Variants in CHPF2 observed in about 807,000 individuals in gnomAD.
CHPF2 encodes chondroitin polymerizing factor 2, non-catalytic subunit.
A neutral mutation model predicts 63.0 loss-of-function variants in CHPF2; 58 were observed. The ratio of observed to expected loss-of-function variants is 0.92; its 90% CI spans 0.75 to 1.15. The LOEUF (loss-of-function observed/expected upper bound fraction) is 1.15. Ranked by LOEUF, CHPF2 falls within the 50% of genes most tolerant of loss-of-function variation. The probability of loss-of-function intolerance (pLI) is 0.00; values close to 1 mark genes in which losing one functional copy is unlikely to be tolerated. For missense variants in CHPF2, 1,045 were observed against 1,035.4 expected, an observed-to-expected ratio of 1.01 and a Z score of -0.13; for synonymous variants, 442 against 438.0, an observed-to-expected ratio of 1.01 and a Z score of -0.11.
intron 3 of CHPF2, chr7:151,236,866 G>A (rs1292750574): frequency 6.9e-6 from 4 of 583,072 alleles, no homozygotes; most frequent in Admixed American, 2.2e-5. Flanking sequence ...AGGAAGCTCC[G>A]CACAGTGTTC....
chr7:151,235,135 C>T lies in CHPF2; in HGVS notation c.351C>T (p.Ala117=), dbSNP rs865805571. The part of the protein sequence containing the change: ...LTSRATLSTL[A]VAVNRTVAHH... ...CCCGAGCTACACTGTCCACTTTGGC[C>T]GTGGCTGTGAACCGTACGGTGGCCC... The change falls in exon 2 of 4, where the codon GCC becomes GCT. Residue 117 remains alanine (A), a synonymous_variant. Coordinates refer to ENST00000035307, the MANE Select transcript of CHPF2 (RefSeq NM_019015.3). 5.0e-6 allele frequency: 8 copies of T among 1,611,672 alleles called. No individual in the cohort carries two copies. Among genetic ancestry groups the T allele is most frequent in the African/African-American group, 4.0e-5 (3 of 74,886 alleles).
intron 3 of CHPF2, chr7:151,236,851 G>A: frequency 1.7e-6 from 1 of 592,068 alleles, no homozygotes; most frequent in Non-Finnish European, 3.2e-6. Context: ...TAGACTCTGA[G>A]GATCAGGAAG....
chr7:151,236,183 C>T (rs1407455034), intron 2 of CHPF2, among the ~76,000 whole-genome samples: 2 of 152,228 alleles, frequency 1.3e-5, no homozygotes, highest in African/African-American at 4.8e-5. Flanking sequence ...GTAAGCAATG[C>T]ACTGAGAGTA....
In CHPF2 at chr7:151,233,120, T is replaced by G; in HGVS notation, c.-892T>G. The stretch of plus-strand genomic sequence containing the variant: ...GCTGCTTGTGCTCTCTCTTTGCTTT[T>G]GGTTTGCTTCATTTGGCCCCTGGGG... On this transcript the variant is annotated 5_prime_UTR_variant, in exon 1 of 4. Coordinates refer to ENST00000035307, the MANE Select transcript of CHPF2 (RefSeq NM_019015.3). 1 of 1,154,420 alleles carries G rather than the reference T, an allele frequency of 8.7e-7. No individual in the cohort carries two copies. The highest frequency in any genetic ancestry group is 1.1e-6 in the Non-Finnish European group (1 of 937,728). 71.5% of individuals were successfully genotyped at this position (1,154,420 alleles called of 1,614,324 possible).
Position 151,233,467 on chromosome 7 carries a change from C to T in CHPF2, c.-545C>T. 2 of 985,786 alleles carry T rather than the reference C, an allele frequency of 2.0e-6. No homozygotes were observed. Among genetic ancestry groups the T allele is most frequent in the Non-Finnish European group, 2.4e-6 (2 of 830,174 alleles). 61.1% of individuals were successfully genotyped at this position (985,786 alleles called of 1,614,324 possible). A position where few individuals can be genotyped will look rare whatever the true frequency, so the allele number is the denominator to read the frequency against. The stretch of plus-strand genomic sequence containing the variant: ...GTGCCCACCGGGCCTGCCGCAGTGG[C>T]TCAGCAGCCCCTTCAGTAGCCCGCC... On this transcript the variant is annotated 5_prime_UTR_variant, in exon 1 of 4. Coordinates refer to ENST00000035307, the MANE Select transcript of CHPF2 (RefSeq NM_019015.3).
rs1315278768 is a variant in CHPF2 at position 151,238,669 on chromosome 7, C to T, written c.2307C>T (p.Ala769=). 6.2e-7 allele frequency: 1 copy of T among 1,610,142 alleles called. No homozygotes were observed. Among genetic ancestry groups the T allele is most frequent in the Non-Finnish European group, 8.5e-7 (1 of 1,178,528 alleles). The change falls in exon 4 of 4, where the codon GCC becomes GCT. Residue 769 remains alanine (A), a synonymous_variant. Coordinates refer to ENST00000035307, the MANE Select transcript of CHPF2 (RefSeq NM_019015.3). ...LAMALFEQEQ[A]NST ...TGGCTCTCTTTGAGCAGGAGCAGGCCAATAGCACTTAGCCCGCCTGGGGGC... is the reference window on the plus strand; with the variant it reads ...TGGCTCTCTTTGAGCAGGAGCAGGCTAATAGCACTTAGCCCGCCTGGGGGC...
intron 3 of CHPF2, chr7:151,236,908 T>C: frequency 1.8e-6 from 1 of 543,896 alleles, no homozygotes; most frequent in Non-Finnish European, 3.5e-6. Context: ...TCCTCAATAG[T>C]GCCTGTCCAC....
Position 151,235,153 on chromosome 7 carries a change from G to A in CHPF2, c.369G>A (p.Thr123=), listed in dbSNP as rs774673704. Residue 123 remains threonine, a synonymous_variant, in exon 2 of 4, where the codon ACG becomes ACA. Transcript: ENST00000035307. The part of the protein sequence containing the change: ...LSTLAVAVNR[T]VAHHFPRLLY... ...CTTTGGCCGTGGCTGTGAACCGTACGGTGGCCCATCACTTCCCTCGGTTAC... is the reference window on the plus strand; with the variant it reads ...CTTTGGCCGTGGCTGTGAACCGTACAGTGGCCCATCACTTCCCTCGGTTAC... 9 of 1,613,174 alleles carry A rather than the reference G, an allele frequency of 5.6e-6. No individual in the cohort carries two copies. The highest frequency in any genetic ancestry group is 5.3e-5 in the African/African-American group (4 of 74,920).
At position 151,237,550 on chromosome 7, in the gene CHPF2, G is replaced by A; in HGVS notation, c.1188G>A (p.Gln396=). 6.2e-7 allele frequency: 1 copy of A among 1,613,936 alleles called. No individual in the cohort carries two copies. Among genetic ancestry groups the A allele is most frequent in the Non-Finnish European group, 8.5e-7 (1 of 1,180,018 alleles). ...CADGAPKCPL[Q]GASRADVGDA... is the part of the protein sequence containing the mutation. ...ATGGGGCTCCCAAGTGCCCACTACA[G>A]GGGGCTAGCAGGGCGGACGTGGGTG... The change falls in exon 4 of 4, where the codon CAG becomes CAA. Residue 396 remains glutamine, a synonymous_variant. Coordinates refer to ENST00000035307, the MANE Select transcript of CHPF2 (RefSeq NM_019015.3).
Position 151,234,220 on chromosome 7 carries a change from C to T in CHPF2, c.209C>T (p.Pro70Leu). 1 of 1,611,676 alleles carries T rather than the reference C, an allele frequency of 6.2e-7. No homozygotes were observed. The highest frequency in any genetic ancestry group is 8.5e-7 in the Non-Finnish European group (1 of 1,178,794). The change falls in exon 1 of 4, where the codon CCC becomes CTC. Residue 70 changes from proline (P) to leucine (L), a missense_variant. Coordinates refer to ENST00000035307, the MANE Select transcript of CHPF2 (RefSeq NM_019015.3). ...GACCAAAGTGATGAAGACTTCAAACCCCGGATTGTCCCCTACTACAGGGAC... is the reference window on the plus strand; with the variant it reads ...GACCAAAGTGATGAAGACTTCAAACTCCGGATTGTCCCCTACTACAGGGAC... ...RLDQSDEDFK[P>L]RIVPYYRDPN...
chr7:151,233,354 C>T lies in CHPF2; in HGVS notation c.-658C>T, dbSNP rs1802528895. The T allele has an allele frequency of 2.0e-6, 2 of 985,926 alleles. No homozygotes were observed. The highest frequency in any genetic ancestry group is 1.7e-5 in the African/African-American group (1 of 57,270). 61.1% of individuals were successfully genotyped at this position (985,926 alleles called of 1,614,324 possible). A position where few individuals can be genotyped will look rare whatever the true frequency, so the allele number is the denominator to read the frequency against. ...GTGCCATGCGAGTGGCTCCAGACCG[C>T]TCCTGAGTGGGAGGAGGGGTTCCTG... On this transcript the variant is annotated 5_prime_UTR_variant, in exon 1 of 4. Coordinates refer to ENST00000035307, the MANE Select transcript of CHPF2 (RefSeq NM_019015.3).
intron 3 of CHPF2, chr7:151,236,944 C>G (rs1802674980): frequency 1.9e-6 from 1 of 524,408 alleles, no homozygotes; most frequent in South Asian, 1.5e-5. Context: ...TCTGAAGTTT[C>G]TTTACTTCTA....
At position 151,236,547 on chromosome 7, in the gene CHPF2, C is replaced by A; in HGVS notation, c.968C>A (p.Ala323Asp). ...LMYRLHKRFS[A>D]LELERAYSEI... The stretch of plus-strand genomic sequence containing the variant: ...TACCGGCTCCACAAACGCTTCAGCG[C>A]TCTGGAGTTGGAGCGGGCTTACAGT... The change falls in exon 3 of 4, where the codon GCT becomes GAT. Residue 323 changes from alanine (A) to aspartate (D), a missense_variant. Transcript: ENST00000035307. The A allele has an allele frequency of 6.2e-7, 1 of 1,603,818 alleles. No homozygotes were observed. Among genetic ancestry groups the A allele is most frequent in the Non-Finnish European group, 8.5e-7 (1 of 1,172,304 alleles).
At position 151,238,222 on chromosome 7, in the gene CHPF2, A is replaced by G; in HGVS notation, c.1860A>G (p.Pro620=). The G allele has an allele frequency of 1.2e-6, 2 of 1,612,814 alleles. No individual in the cohort carries two copies. The highest frequency in any genetic ancestry group is 1.7e-6 in the Non-Finnish European group (2 of 1,179,932). The change falls in exon 4 of 4, where the codon CCA becomes CCG. Residue 620 remains proline (P), a synonymous_variant. Coordinates refer to ENST00000035307, the MANE Select transcript of CHPF2 (RefSeq NM_019015.3). ...NAISGWQAFF[P]VHFQEFNPAL... Reference sequence around the variant, plus strand: ...TCTCTGGCTGGCAGGCCTTCTTTCCAGTCCATTTCCAGGAGTTCAATCCTG... The same window carrying G: ...TCTCTGGCTGGCAGGCCTTCTTTCCGGTCCATTTCCAGGAGTTCAATCCTG...
chr7:151,234,573 T>C (rs2792436), intron 1 of CHPF2, among the ~76,000 whole-genome samples: 61,826 of 151,742 alleles, frequency 0.41, 12,944 homozygotes, highest in East Asian at 0.71. Context: ...CTCACTGCAA[T>C]CTCTGCCTCC....
At position 151,237,644 on chromosome 7, in the gene CHPF2, C is replaced by T. The variant is rs368284983; in HGVS notation, c.1282C>T (p.Arg428Ter). 4.8e-5 allele frequency: 78 copies of T among 1,613,252 alleles called. No homozygotes were observed. Among genetic ancestry groups the T allele is most frequent in the Non-Finnish European group, 5.3e-5 (63 of 1,179,948 alleles). Residue 428 changes from arginine (R) to a stop codon, truncating the protein, a stop_gained, in exon 4 of 4, where the codon CGA becomes TGA. Transcript: ENST00000035307. LOFTEE classifies it high-confidence loss of function. ...YQPRLRFQKQ[R>*]LLNGYRRFDP... ...GCCCCGCCTGCGCTTCCAGAAGCAG[C>T]GACTGCTCAACGGCTATCGGCGCTT...
rs562135561 is a variant in CHPF2, at chr7:151,232,575, C to G, written c.-1437C>G. On this transcript the variant is annotated 5_prime_UTR_variant, in exon 1 of 4. Transcript: ENST00000035307. ...GCACTGGGGTCTGTTCCCCCTTCCC[C>G]GTCCCTGCTCCCTGCCAGGCGCGTG... 1 of 560,000 alleles carries G rather than the reference C, an allele frequency of 1.8e-6. No homozygotes were observed. The highest frequency in any genetic ancestry group is 3.5e-5 in the East Asian group (1 of 28,540). The allele number at this position is 560,000 out of a possible 1,614,324, so 34.7% of individuals were successfully genotyped here. A position where few individuals can be genotyped will look rare whatever the true frequency, so the allele number is the denominator to read the frequency against.
rs1180216730 is a variant in CHPF2 at position 151,235,331 on chromosome 7, G to T, written c.547G>T (p.Asp183Tyr). 6.2e-7 allele frequency: 1 copy of T among 1,614,012 alleles called. No homozygotes were observed. Among genetic ancestry groups the T allele is most frequent in the Admixed American group, 1.7e-5 (1 of 60,032 alleles). The change falls in exon 2 of 4, where the codon GAT becomes TAT. Residue 183 changes from aspartate to tyrosine, a missense_variant. By Grantham distance (160) the Asp-to-Tyr change is radical. Coordinates refer to ENST00000035307, the MANE Select transcript of CHPF2 (RefSeq NM_019015.3). ...ADYDWFFIMQDDTYVQAPRLA... is the reference protein window; with the variant it reads ...ADYDWFFIMQYDTYVQAPRLA... Reference sequence around the variant, plus strand: ...CTACGACTGGTTCTTCATCATGCAGGATGACACATATGTGCAGGCCCCCCG... The same window carrying T: ...CTACGACTGGTTCTTCATCATGCAGTATGACACATATGTGCAGGCCCCCCG...
rs759213450 is a variant in CHPF2, at chr7:151,234,117, G to C, written c.106G>C (p.Gly36Arg). The C allele has an allele frequency of 1.9e-6, 3 of 1,611,594 alleles. No individual in the cohort carries two copies. Among genetic ancestry groups the C allele is most frequent in the African/African-American group, 2.7e-5 (2 of 74,818 alleles). Residue 36 changes from glycine to arginine, a missense_variant, in exon 1 of 4, where the codon GGG becomes CGG. Gly to Arg is a moderately radical substitution (Grantham distance 125). Coordinates refer to ENST00000035307, the MANE Select transcript of CHPF2 (RefSeq NM_019015.3). ...LSLLRVSWIQ[G>R]EGEDPCVEAV... ...CCTCCTGCGGGTTTCCTGGATCCAGGGGGAGGGAGAAGATCCCTGTGTCGA... is the reference window on the plus strand; with the variant it reads ...CCTCCTGCGGGTTTCCTGGATCCAGCGGGAGGGAGAAGATCCCTGTGTCGA...
Sources: gnomAD v4.1 joint callset for allele counts (sites outside exome capture counted in the v4.1 genomes callset) on GRCh38, gnomAD v4.1.1 for gene constraint, MANE v1.5 for transcripts, NCBI Gene and HGNC (gene_info 2026-07-23, HGNC 2026-07-21) for gene names.